HIVEP1: variants seen among roughly 807,000 people sequenced by gnomAD.
The protein encoded by HIVEP1 is HIVEP zinc finger 1.
HIVEP1 carries 36 observed loss-of-function variants against 180.0 expected under a neutral mutation model. That is an observed-to-expected ratio of 0.20 (90% CI 0.15 to 0.26). The LOEUF is 0.26. Among genes scored for constraint, HIVEP1 ranks in the 10% least tolerant of loss-of-function variants. The pLI, the probability that HIVEP1 is intolerant of heterozygous loss-of-function variation, is 1.00. For synonymous variants in HIVEP1, 1,239 were observed against 1,239.0 expected (o/e 1.00, Z 0.00); for missense variants, 3,143 against 3,268.7 (o/e 0.96, Z 0.94).
chr6:12,206,802 C>T, the HIVEP1 span, among the ~76,000 whole-genome samples: 1 of 152,162 alleles, frequency 6.6e-6, no homozygotes, highest in South Asian at 2.1e-4. Context: ...TGCTAGACTC[C>T]TTCCCTAGGG....
Position 12,125,526 on chromosome 6 carries a change from G to GGA in HIVEP1, c.5731_5732insGA (p.Glu1911GlyfsTer27). 6.2e-7 allele frequency: 1 copy of GGA among 1,614,142 alleles called. No homozygotes were observed. The highest frequency in any genetic ancestry group is 2.2e-5 in the East Asian group (1 of 44,878). ...TCAAGGTGACAAAGTGAACATCCAA[G>GGA]AGCAAAGTCAACAGCCAGTCACTTC... On this transcript the variant is annotated frameshift_variant, in exon 4 of 9. Coordinates refer to ENST00000379388, the MANE Select transcript of HIVEP1 (RefSeq NM_002114.4). LOFTEE classifies it high-confidence loss of function.
chr6:12,123,707 G>C lies in HIVEP1; in HGVS notation c.3912G>C (p.Arg1304Ser), dbSNP rs779814043. Residue 1304 changes from arginine (R) to serine (S), a missense_variant, in exon 4 of 9, where the codon AGG becomes AGC. By Grantham distance (110) the Arg-to-Ser change is moderately radical. Coordinates refer to ENST00000379388, the MANE Select transcript of HIVEP1 (RefSeq NM_002114.4). The stretch of plus-strand genomic sequence containing the variant: ...CGAGCTTTGATTCCACTCTCTCCAG[G>C]AGTCTAAGTAGGGAGAGCAGTTTAT... Reference protein sequence around the residue: ...TESSFDSTLSRSLSRESSLSH... With the variant: ...TESSFDSTLSSSLSRESSLSH... The C allele has an allele frequency of 1.2e-6, 2 of 1,613,916 alleles. No individual in the cohort carries two copies. Among genetic ancestry groups the C allele is most frequent in the South Asian group, 1.1e-5 (1 of 91,072 alleles).
At chr6:12,011,427 G>T (rs1767292416), upstream of HIVEP1, among the ~76,000 whole-genome samples, 3 of 151,496 alleles carry the variant, frequency 2.0e-5, no homozygotes, top group Non-Finnish European at 3.0e-5. Flanking sequence ...CCTCTTCCCG[G>T]ACCAACCGCC....
downstream of HIVEP1, among the ~76,000 whole-genome samples, chr6:12,167,656 T>TTATATACATATATACATATATGTGTATAA (rs1760750996): frequency 9.2e-6 from 1 of 109,026 alleles, no homozygotes; most frequent in African/African-American, 3.3e-5. Flanking sequence ...CATATATATG[T>TTATATACATATATACATATATGTGTATAA]TATATATACA....
intron 2 of HIVEP1, among the ~76,000 whole-genome samples, chr6:12,083,577 G>T (rs1772928639): frequency 6.6e-6 from 1 of 152,124 alleles, no homozygotes; most frequent in Admixed American, 6.6e-5. Flanking sequence ...ACACAGAGGA[G>T]TTTGAGGGAG....
rs114486709 is a variant in HIVEP1 at position 12,032,805 on chromosome 6, C to T, written c.40+17137C>T. On this transcript the variant is annotated intron_variant, in intron 2 of 8. Transcript: ENST00000379388. Reference sequence around the variant, plus strand: ...TGCTTTACCTAGCTTTGCTTCTTAACGTTTTCTCCTTTTTGTAGAATAATT... The same window carrying T: ...TGCTTTACCTAGCTTTGCTTCTTAATGTTTTCTCCTTTTTGTAGAATAATT... 2.0e-3 allele frequency among the ~76,000 whole-genome samples: 299 copies of T among 152,258 alleles called. 1 individual carries two copies. The highest frequency in any genetic ancestry group is 6.8e-3 in the Middle Eastern group (2 of 294).
intron 7 of HIVEP1, among the ~76,000 whole-genome samples, chr6:12,145,088 C>T (rs1024807566): frequency 9.9e-5 from 15 of 152,142 alleles, no homozygotes; most frequent in African/African-American, 1.4e-4. Flanking sequence ...TATTGCGGCA[C>T]TATTAACAAT....
intron 2 of HIVEP1, among the ~76,000 whole-genome samples, chr6:12,072,792 G>A (rs1327894840): frequency 6.6e-6 from 1 of 152,042 alleles, no homozygotes; most frequent in Non-Finnish European, 1.5e-5. Flanking sequence ...TTCTGTTCTA[G>A]TATTTCCATT....
intron 2 of HIVEP1, among the ~76,000 whole-genome samples, chr6:12,054,489 A>C (rs191313187): frequency 9.8e-5 from 11 of 112,284 alleles, no homozygotes; most frequent in African/African-American, 2.9e-4. Flanking sequence ...ACACATATAC[A>C]TATGAATATA....
chr6:12,037,737 T>C, intron 2 of HIVEP1: 2 of 422,188 alleles, frequency 4.7e-6, no homozygotes, highest in Non-Finnish European at 8.5e-6. Flanking sequence ...GTCTTGCTCT[T>C]TTGCTCAGGC....
the HIVEP1 span, among the ~76,000 whole-genome samples, chr6:12,206,607 C>T: frequency 6.6e-6 from 1 of 152,248 alleles, no homozygotes; most frequent in East Asian, 1.9e-4. Flanking sequence ...GCGTGGCCTT[C>T]CAAACACCTT....
chr6:12,124,776 A>T lies in HIVEP1; in HGVS notation c.4981A>T (p.Thr1661Ser), dbSNP rs1757950595. The T allele has an allele frequency of 1.6e-5, 26 of 1,614,158 alleles. No homozygotes were observed. The highest frequency in any genetic ancestry group is 2.2e-5 in the Non-Finnish European group (26 of 1,180,016). The change falls in exon 4 of 9, where the codon ACC (threonine) becomes TCC (serine). Residue 1661 changes from threonine to serine, a missense_variant. By Grantham distance (58) the Thr-to-Ser change is moderately conservative. This residue lies in a region of HIVEP1 where 1,357 missense variants were observed against 1,260.5 expected (regional missense o/e 1.08). Transcript: ENST00000379388. ...TLTSLPQILV[T>S]QDLPNQPICQ... ...CACATCCCTGCCACAAATACTAGTGACCCAAGATCTGCCCAATCAGCCAAT... is the reference window on the plus strand; with the variant it reads ...CACATCCCTGCCACAAATACTAGTGTCCCAAGATCTGCCCAATCAGCCAAT...
At chr6:12,114,457 C>T (rs1268532885) in intron 3 of HIVEP1, among the ~76,000 whole-genome samples, 1 of 152,118 alleles carries the variant, frequency 6.6e-6, no homozygotes, top group Non-Finnish European at 1.5e-5. Flanking sequence ...GTTTCTAGCT[C>T]ACCCCTAAGT....
intron 2 of HIVEP1, among the ~76,000 whole-genome samples, chr6:12,083,224 TATA>T (rs1480502419): frequency 6.6e-6 from 1 of 152,116 alleles, no homozygotes; most frequent in Non-Finnish European, 1.5e-5. Flanking sequence ...GTCTTTTTAA[TATA>T]ATATATGTTG....
At chr6:12,129,290 A>G (rs1213176003) in intron 4 of HIVEP1, among the ~76,000 whole-genome samples, 5 of 152,210 alleles carry the variant, frequency 3.3e-5, no homozygotes, top group African/African-American at 9.6e-5. Context: ...CTTATAATGC[A>G]CTGAAGCTGA....
the HIVEP1 span, among the ~76,000 whole-genome samples, chr6:12,195,667 A>G: frequency 0.099 from 2,803 of 28,352 alleles, 91 homozygotes; most frequent in African/African-American, 0.17. Flanking sequence ...ACAGAATTTA[A>G]CTACTGGTTG....
chr6:12,179,166 A>G, the HIVEP1 span, among the ~76,000 whole-genome samples: 1 of 152,292 alleles, frequency 6.6e-6, no homozygotes, highest in Non-Finnish European at 1.5e-5. Flanking sequence ...GGCAATCAGG[A>G]GGTGATGGGG....
intron 1 of HIVEP1, among the ~76,000 whole-genome samples, chr6:12,013,982 T>C (rs1767572848): frequency 6.6e-6 from 1 of 152,246 alleles, no homozygotes; most frequent in African/African-American, 2.4e-5. Flanking sequence ...TAAAACCTTA[T>C]ACTGGGATGT....
At chr6:12,137,124 C>T (rs1027516179) in intron 7 of HIVEP1, among the ~76,000 whole-genome samples, 2 of 152,130 alleles carry the variant, frequency 1.3e-5, no homozygotes, top group Non-Finnish European at 2.9e-5. Flanking sequence ...CTCACGTCTT[C>T]AGTGATACAG....
Sources: gnomAD v4.1 joint callset for allele counts (sites outside exome capture counted in the v4.1 genomes callset) on GRCh38, gnomAD v4.1.1 for gene constraint, gnomAD v4.1.1 regional missense constraint, MANE v1.5 for transcripts, NCBI Gene and HGNC (gene_info 2026-07-23, HGNC 2026-07-21) for gene names.